Variants in PRIMA1 observed in about 807,000 individuals in gnomAD.
PRIMA1 encodes proline-rich membrane anchor 1.
PRIMA1 carries 7 observed loss-of-function variants against 17.5 expected under a neutral mutation model. The ratio of observed to expected loss-of-function variants is 0.40; its 90% CI spans 0.23 to 0.75. PRIMA1 has a LOEUF of 0.75. PRIMA1 is among the 30% of genes least tolerant of loss of function. The pLI, the probability that PRIMA1 is intolerant of heterozygous loss-of-function variation, is 0.37. For synonymous variants in PRIMA1, 97 were observed against 77.9 expected, an observed-to-expected ratio of 1.25 and a Z score of -1.29; for missense variants, 200 against 201.8, an observed-to-expected ratio of 0.99 and a Z score of 0.05.
intron 4 of PRIMA1, among the ~76,000 whole-genome samples, chr14:93,721,819 C>T (rs1040341703): frequency 6.6e-6 from 1 of 152,150 alleles, no homozygotes. Context: ...GAAGCAGGGA[C>T]AACAGGTATG....
At chr14:93,737,982 G>A (rs1243030622) in intron 3 of PRIMA1, among the ~76,000 whole-genome samples, 1 of 152,258 alleles carries the variant, frequency 6.6e-6, no homozygotes, top group East Asian at 1.9e-4. Context: ...GGGATGCTGA[G>A]GGAGGAAGGA....
intron 3 of PRIMA1, among the ~76,000 whole-genome samples, chr14:93,773,771 A>T (rs1885133416): frequency 6.6e-6 from 1 of 152,122 alleles, no homozygotes; most frequent in African/African-American, 2.4e-5. Flanking sequence ...TCCAGCAATG[A>T]AGTGGGGGAG....
Position 93,721,556 on chromosome 14 carries a change from G to T in PRIMA1, c.360-10C>A, listed in dbSNP as rs775309387. 1 of 1,591,590 alleles carries T rather than the reference G, an allele frequency of 6.3e-7. No individual in the cohort carries two copies. Among genetic ancestry groups the T allele is most frequent in the Non-Finnish European group, 8.6e-7 (1 of 1,160,288 alleles). ...TTTTCTCAGTGGTTTCCTGGAAGTG[G>T]GGGGAGGGGACAGGAAAGGCAAAGG... On this transcript the variant is annotated splice_polypyrimidine_tract_variant and intron_variant, in intron 4 of 4. Coordinates refer to ENST00000393140, the MANE Select transcript of PRIMA1 (RefSeq NM_178013.4).
At chr14:93,760,465 A>T (rs2076319911) in intron 3 of PRIMA1, among the ~76,000 whole-genome samples, 1 of 140,764 alleles carries the variant, frequency 7.1e-6, no homozygotes, top group African/African-American at 2.7e-5. Flanking sequence ...CCACCCTTCC[A>T]CCCCTCCCTA....
intron 3 of PRIMA1, among the ~76,000 whole-genome samples, chr14:93,745,025 G>A (rs2076208168): frequency 6.6e-6 from 1 of 152,178 alleles, no homozygotes; most frequent in South Asian, 2.1e-4. Context: ...CGGGGCGGGG[G>A]TGGGAGGGGA....
intron 3 of PRIMA1, among the ~76,000 whole-genome samples, chr14:93,756,504 G>A (rs2076291277): frequency 6.6e-6 from 1 of 152,182 alleles, no homozygotes; most frequent in Non-Finnish European, 1.5e-5. Flanking sequence ...GGGTGGGCAG[G>A]AGGAAAGGTC....
chr14:93,757,199 A>AAAGGAAGGAAGAAGG (rs1555416490), intron 3 of PRIMA1, among the ~76,000 whole-genome samples: 11 of 151,100 alleles, frequency 7.3e-5, no homozygotes, highest in African/African-American at 2.4e-4. Flanking sequence ...GGGTTTAAAA[A>AAAGGAAGGAAGAAGG]AAGGAAGGAA....
chr14:93,755,200 T>C (rs1222072094), intron 3 of PRIMA1, among the ~76,000 whole-genome samples: 1 of 152,174 alleles, frequency 6.6e-6, no homozygotes, highest in East Asian at 1.9e-4. Context: ...CCGATTCCCA[T>C]GTATCTTTCA....
rs386382197 is a variant in PRIMA1 at position 93,785,188 on chromosome 14, CAAAAAAAA to C, written c.93+2430_93+2437del. On this transcript the variant is annotated intron_variant, in intron 2 of 4. Coordinates refer to ENST00000393140, the MANE Select transcript of PRIMA1 (RefSeq NM_178013.4). ...GCCAGCCTGTCATCCTCTTCTCTTTCAAAAAAAAAAAAAAAAAAAGAATCATCTGGAAG... is the reference window on the plus strand; with the variant it reads ...GCCAGCCTGTCATCCTCTTCTCTTTCAAAAAAAAAAAGAATCATCTGGAAG... Among the ~76,000 whole-genome samples the C allele has an allele frequency of 3.1e-4, 34 of 110,060 alleles. 3 individuals are homozygous for C. Among genetic ancestry groups the C allele is most frequent in the Admixed American group, 1.8e-3 (18 of 10,044 alleles). The allele number at this position is 110,060 out of a possible 152,430, so 72.2% of individuals were successfully genotyped here.
chr14:93,767,214 T>C (rs1301738353), intron 3 of PRIMA1, among the ~76,000 whole-genome samples: 1 of 150,906 alleles, frequency 6.6e-6, no homozygotes, highest in Non-Finnish European at 1.5e-5. Context: ...AAGAACGATG[T>C]ATGCCAAGCC....
Position 93,741,355 on chromosome 14 carries a change from C to G in PRIMA1, c.230-3985G>C, listed in dbSNP as rs147484911. Among the ~76,000 whole-genome samples, 269 of 152,336 alleles carry G rather than the reference C, an allele frequency of 1.8e-3. 1 individual carries two copies. The highest frequency in any genetic ancestry group is 6.2e-3 in the African/African-American group (258 of 41,586). On this transcript the variant is annotated intron_variant, in intron 3 of 4. Transcript: ENST00000393140. ...CCTGATCTTTGGGCTACAGCTGGGT[C>G]TATCCCTGCCTGAACTTCCCTCCCA...
At chr14:93,786,395 G>A (rs546575598) in intron 2 of PRIMA1, among the ~76,000 whole-genome samples, 44 of 152,338 alleles carry the variant, frequency 2.9e-4, no homozygotes, top group African/African-American at 9.9e-4. Flanking sequence ...GCTGAGCAGC[G>A]TCTGAACCTG....
intron 4 of PRIMA1, among the ~76,000 whole-genome samples, chr14:93,727,674 A>C (rs1279981911): frequency 6.6e-6 from 1 of 152,132 alleles, no homozygotes; most frequent in African/African-American, 2.4e-5. Context: ...CCTTCGGCTG[A>C]GGTCTGGTGG....
chr14:93,787,590 G>C (rs1885559854), intron 2 of PRIMA1, 36 bp downstream of exon 2: 7 of 1,537,806 alleles, frequency 4.6e-6, no homozygotes, highest in Non-Finnish European at 6.1e-6. Context: ...TTACCCAGGA[G>C]GCCCTCCCAG....
chr14:93,759,436 G>T (rs2076312435), intron 3 of PRIMA1, among the ~76,000 whole-genome samples: 1 of 152,146 alleles, frequency 6.6e-6, no homozygotes, highest in South Asian at 2.1e-4. Flanking sequence ...GGTGAGAAAG[G>T]GAAGGAGAGC....
chr14:93,770,897 C>T (rs148248935), intron 3 of PRIMA1, among the ~76,000 whole-genome samples: 1 of 152,168 alleles, frequency 6.6e-6, no homozygotes, highest in Non-Finnish European at 1.5e-5. Context: ...ACATGCCAGG[C>T]ACGTGCTAAA....
intron 3 of PRIMA1, among the ~76,000 whole-genome samples, chr14:93,771,306 G>A (rs1214687736): frequency 2.0e-5 from 3 of 152,176 alleles, no homozygotes; most frequent in African/African-American, 4.8e-5. Flanking sequence ...ACAGAATGCA[G>A]TGGAAGTTGA....
chr14:93,723,619 C>T (rs911964924), intron 4 of PRIMA1, among the ~76,000 whole-genome samples: 3 of 152,200 alleles, frequency 2.0e-5, no homozygotes, highest in African/African-American at 7.2e-5. Context: ...GCCACCGTGG[C>T]TTCTTCCAGG....
At chr14:93,745,649 T>TC (rs1420945609) in intron 3 of PRIMA1, among the ~76,000 whole-genome samples, 1 of 152,126 alleles carries the variant, frequency 6.6e-6, no homozygotes, top group African/African-American at 2.4e-5. Flanking sequence ...CTGTGGCTGC[T>TC]CCCTTCAACC....
Sources: allele counts gnomAD v4.1 joint callset (sites outside exome capture counted in the v4.1 genomes callset), GRCh38; gene constraint gnomAD v4.1.1; transcripts MANE v1.5; gene names NCBI Gene and HGNC (gene_info 2026-07-23, HGNC 2026-07-21).